Variants in ADARB2 observed in about 807,000 individuals in gnomAD.
The protein encoded by ADARB2 is adenosine deaminase RNA specific B2 (inactive).
Under a neutral mutation model 62.2 loss-of-function variants are expected in ADARB2, and 25 were observed. The ratio of observed to expected loss-of-function variants is 0.40; its 90% CI spans 0.29 to 0.56. The LOEUF is 0.56. Ranked by LOEUF, ADARB2 falls within the 20% of genes least tolerant of loss-of-function variation. ADARB2 has a pLI of 0.43. For missense variants in ADARB2, 1,071 were observed against 1,077.4 expected, an observed-to-expected ratio of 0.99 and a Z score of 0.08; for synonymous variants, 572 against 500.8, an observed-to-expected ratio of 1.14 and a Z score of -1.90.
chr10:1,531,341 C>G (rs1832235840), intron 1 of ADARB2, among the ~76,000 whole-genome samples: 1 of 152,214 alleles, frequency 6.6e-6, no homozygotes. Flanking sequence ...CCAGGCAGCC[C>G]TTCGCGAGAG....
chr10:1,562,373 G>A (rs1435461043), intron 1 of ADARB2, among the ~76,000 whole-genome samples: 2 of 152,128 alleles, frequency 1.3e-5, no homozygotes, highest in Non-Finnish European at 2.9e-5. Context: ...GGTTAGGATC[G>A]GGGCTCTGCC....
intron 1 of ADARB2, among the ~76,000 whole-genome samples, chr10:1,587,081 T>C (rs1833190220): frequency 6.6e-6 from 1 of 152,238 alleles, no homozygotes; most frequent in East Asian, 1.9e-4. Flanking sequence ...TTTTGTTTCA[T>C]TAATGGCTAA....
At chr10:1,551,882 G>A (rs925005848) in intron 1 of ADARB2, among the ~76,000 whole-genome samples, 4 of 152,200 alleles carry the variant, frequency 2.6e-5, no homozygotes, top group African/African-American at 9.7e-5. Context: ...GAATGTGCTG[G>A]GAAAGGCAGA....
At chr10:1,682,210 G>A (rs1407514157) in intron 1 of ADARB2, among the ~76,000 whole-genome samples, 1 of 152,194 alleles carries the variant, frequency 6.6e-6, no homozygotes, top group East Asian at 1.9e-4. Flanking sequence ...AGGAATAAGA[G>A]AGCACTGGGC....
At chr10:1,317,754 G>GA (rs201909138) in intron 3 of ADARB2, among the ~76,000 whole-genome samples, 6 of 146,920 alleles carry the variant, frequency 4.1e-5, no homozygotes, top group Non-Finnish European at 6.1e-5. Flanking sequence ...GGTAGGCCTG[G>GA]GGGGGGGTGG....
intron 1 of ADARB2, among the ~76,000 whole-genome samples, chr10:1,685,082 G>C (rs558996470): frequency 6.6e-6 from 1 of 152,310 alleles, no homozygotes; most frequent in East Asian, 1.9e-4. Context: ...GGACCATGTC[G>C]AGTCTGGAGG....
Position 1,182,198 on chromosome 10 carries a change from C to G in ADARB2, c.*995G>C, listed in dbSNP as rs1339866657. On this transcript the variant is annotated 3_prime_UTR_variant, in exon 10 of 10. Coordinates refer to ENST00000381312, the MANE Select transcript of ADARB2 (RefSeq NM_018702.4). ...TCTAATGAAAATTTAGTTAAAAAAT[C>G]AGAATTTGATCAAAGACTTGGTCTC... 1 of 152,240 alleles carries G rather than the reference C, an allele frequency of 6.6e-6. No homozygotes were observed. The highest frequency in any genetic ancestry group is 1.5e-5 in the Non-Finnish European group (1 of 68,046). The allele number at this position is 152,240 out of a possible 1,614,324, so 9.4% of individuals were successfully genotyped here.
intron 7 of ADARB2, among the ~76,000 whole-genome samples, chr10:1,210,548 G>A (rs576907835): frequency 9.2e-5 from 14 of 152,316 alleles, no homozygotes; most frequent in African/African-American, 3.1e-4. Context: ...CAGAAGACAC[G>A]TGCTTCGCCT....
chr10:1,654,855 C>G (rs972447994), intron 1 of ADARB2, among the ~76,000 whole-genome samples: 1 of 152,222 alleles, frequency 6.6e-6, no homozygotes, highest in East Asian at 1.9e-4. Flanking sequence ...CCCAGCCACA[C>G]GCCAGGCCCA....
At chr10:1,668,608 C>T (rs1218221402) in intron 1 of ADARB2, among the ~76,000 whole-genome samples, 1 of 152,160 alleles carries the variant, frequency 6.6e-6, no homozygotes, top group African/African-American at 2.4e-5. Context: ...AGAACTCAAA[C>T]AGCAAATAGC....
At chr10:1,730,787 A>C (rs2119046883) in intron 1 of ADARB2, among the ~76,000 whole-genome samples, 1 of 152,336 alleles carries the variant, frequency 6.6e-6, no homozygotes, top group Middle Eastern at 3.4e-3. Flanking sequence ...AAAAAACTGA[A>C]CGTTAACTAT....
chr10:1,481,079 A>G (rs1438069565), intron 1 of ADARB2, among the ~76,000 whole-genome samples: 1 of 152,250 alleles, frequency 6.6e-6, no homozygotes, highest in African/African-American at 2.4e-5. Context: ...CGTACTACAA[A>G]GCTACAAATC....
chr10:1,635,613 C>G (rs1216992329), intron 1 of ADARB2, among the ~76,000 whole-genome samples: 1 of 152,202 alleles, frequency 6.6e-6, no homozygotes, highest in Non-Finnish European at 1.5e-5. Context: ...GACAGCCTCA[C>G]GTTGGATTAG....
intron 3 of ADARB2, among the ~76,000 whole-genome samples, chr10:1,289,438 G>C (rs1280657381): frequency 6.6e-6 from 1 of 152,226 alleles, no homozygotes; most frequent in Non-Finnish European, 1.5e-5. Context: ...GCTTGTCTCA[G>C]ATACTTTTGG....
chr10:1,262,963 A>G (rs1831156995), intron 4 of ADARB2, among the ~76,000 whole-genome samples: 2 of 152,050 alleles, frequency 1.3e-5, no homozygotes, highest in African/African-American at 2.4e-5. Context: ...AAAAAATGAT[A>G]AGTCTATGTC....
intron 7 of ADARB2, among the ~76,000 whole-genome samples, chr10:1,205,832 G>C (rs12259157): frequency 6.6e-6 from 1 of 152,098 alleles, no homozygotes; most frequent in South Asian, 2.1e-4. Flanking sequence ...GACTGCTGAC[G>C]TTTGGGACGT....
intron 1 of ADARB2, among the ~76,000 whole-genome samples, chr10:1,437,717 C>G (rs1286086674): frequency 6.6e-6 from 1 of 151,434 alleles, no homozygotes; most frequent in Non-Finnish European, 1.5e-5. Flanking sequence ...GGGGTTTGGA[C>G]AGCGATAGCG....
At chr10:1,698,523 G>A (rs950249080) in intron 1 of ADARB2, among the ~76,000 whole-genome samples, 3 of 152,156 alleles carry the variant, frequency 2.0e-5, no homozygotes, top group South Asian at 2.1e-4. Context: ...GAAAAAATTC[G>A]AACATCCTCA....
rs146368534 is a variant in ADARB2 at position 1,692,709 on chromosome 10, A to C, written c.100+44342T>G. Among the ~76,000 whole-genome samples the C allele has an allele frequency of 7.4e-4, 113 of 152,220 alleles. 2 individuals are homozygous for C. Among genetic ancestry groups the C allele is most frequent in the African/African-American group, 2.6e-3 (108 of 41,548 alleles). ...CTCTGCTTGGCTCCTGAAGGGCTACAAACATTTTTTTTAAAAACAATAAAT... is the reference window on the plus strand; with the variant it reads ...CTCTGCTTGGCTCCTGAAGGGCTACCAACATTTTTTTTAAAAACAATAAAT... On this transcript the variant is annotated intron_variant, in intron 1 of 9. Coordinates refer to ENST00000381312, the MANE Select transcript of ADARB2 (RefSeq NM_018702.4).
Sources: allele counts gnomAD v4.1 joint callset (sites outside exome capture counted in the v4.1 genomes callset), GRCh38; gene constraint gnomAD v4.1.1; transcripts MANE v1.5; gene names NCBI Gene and HGNC (gene_info 2026-07-23, HGNC 2026-07-21).